The following IL1RAPL1 variants were observed in gnomAD, a reference collection of about 807,000 sequenced individuals.
The protein encoded by IL1RAPL1 is interleukin-1 receptor accessory protein-like 1.
A neutral mutation model predicts 48.4 loss-of-function variants in IL1RAPL1; 3 were observed. The observed-to-expected ratio is 0.06, with a 90% confidence interval of 0.03 to 0.16. The LOEUF (loss-of-function observed/expected upper bound fraction) is 0.16, where lower values mean the gene tolerates loss of function less well. Ranked by LOEUF, IL1RAPL1 falls within the 10% of genes least tolerant of loss-of-function variation. The pLI is 1.00. For missense variants in IL1RAPL1, 349 were observed against 530.6 expected (o/e 0.66, Z 3.36); for synonymous variants, 185 against 187.7 (o/e 0.99, Z 0.12).
chrX:29,517,233 G>C (rs1164192365), intron 5 of IL1RAPL1, among the ~76,000 whole-genome samples: 2 of 109,893 alleles, frequency 1.8e-5, no homozygotes, highest in Non-Finnish European at 3.8e-5. Flanking sequence ...TCTTTATCTT[G>C]AATAGTAGCT....
intron 3 of IL1RAPL1, among the ~76,000 whole-genome samples, chrX:29,355,265 A>G (rs921204451): frequency 7.2e-5 from 8 of 111,723 alleles, no homozygotes; most frequent in Non-Finnish European, 1.9e-5. Flanking sequence ...CTGAAGAGGC[A>G]TATTTTGGGG....
intron 6 of IL1RAPL1, among the ~76,000 whole-genome samples, chrX:29,908,207 G>T (rs1301330821): frequency 9.1e-6 from 1 of 109,852 alleles, no homozygotes; most frequent in East Asian, 2.9e-4. Context: ...AATAGGCTGA[G>T]GTAGATGCTC....
At chrX:29,482,234 C>T (rs775184466) in intron 5 of IL1RAPL1, among the ~76,000 whole-genome samples, 17 of 111,640 alleles carry the variant, frequency 1.5e-4, no homozygotes, top group Non-Finnish European at 2.8e-4. Context: ...GTGATTAGCA[C>T]AGAGGCAGCA....
At chrX:28,762,819 C>CAG (rs1936191276) in intron 1 of IL1RAPL1, among the ~76,000 whole-genome samples, 1 of 39,261 alleles carries the variant, frequency 2.5e-5, no homozygotes, top group East Asian at 7.8e-4. Context: ...CACACACACA[C>CAG]ACACAGAGAG....
At chrX:29,231,638 A>G (rs181174052) in intron 2 of IL1RAPL1, among the ~76,000 whole-genome samples, 296 of 111,778 alleles carry the variant, frequency 2.6e-3, no homozygotes, top group African/African-American at 9.4e-3. Context: ...AACTTTGTGC[A>G]TAAAGTTGGT....
chrX:29,561,191 G>A (rs772605799), intron 5 of IL1RAPL1, among the ~76,000 whole-genome samples: 9 of 112,236 alleles, frequency 8.0e-5, no homozygotes, highest in Admixed American at 6.6e-4. Context: ...TTTTCCTAGG[G>A]CATTGCCCTG....
chrX:28,643,101 C>T (rs956517004), intron 1 of IL1RAPL1, among the ~76,000 whole-genome samples: 10 of 111,207 alleles, frequency 9.0e-5, no homozygotes, highest in African/African-American at 3.3e-4. Context: ...GTTGGCCAGG[C>T]TGGTCTCAAA....
At chrX:29,068,239 C>T (rs1485041138) in intron 2 of IL1RAPL1, among the ~76,000 whole-genome samples, 1 of 112,060 alleles carries the variant, frequency 8.9e-6, no homozygotes, top group East Asian at 2.8e-4. Context: ...TGTGTAGTAC[C>T]TGAAGTGAGA....
At chrX:28,657,970 A>G (rs1481541776) in intron 1 of IL1RAPL1, among the ~76,000 whole-genome samples, 1 of 112,228 alleles carries the variant, frequency 8.9e-6, no homozygotes, top group Non-Finnish European at 1.9e-5. Flanking sequence ...ACTCCTTTAT[A>G]TTAGGCGGTA....
chrX:29,706,732 A>T (rs768762998), intron 6 of IL1RAPL1, among the ~76,000 whole-genome samples: 2 of 111,836 alleles, frequency 1.8e-5, no homozygotes, highest in Non-Finnish European at 3.8e-5. Context: ...TGCTGGGATA[A>T]TTGGAAGCCA....
At chrX:29,408,784 T>A (rs1272664181) in intron 5 of IL1RAPL1, among the ~76,000 whole-genome samples, 2 of 112,044 alleles carry the variant, frequency 1.8e-5, no homozygotes, top group African/African-American at 6.5e-5. Flanking sequence ...AAAGGTTAAG[T>A]GGCTTTATCA....
At chrX:29,654,237 C>CA (rs899917615) in intron 5 of IL1RAPL1, among the ~76,000 whole-genome samples, 15 of 109,696 alleles carry the variant, frequency 1.4e-4, no homozygotes, top group South Asian at 1.2e-3. Context: ...CACAGAATAT[C>CA]AAAAAAAACC....
intron 1 of IL1RAPL1, among the ~76,000 whole-genome samples, chrX:28,644,520 C>T (rs761458991): frequency 1.8e-5 from 2 of 111,359 alleles, no homozygotes; most frequent in East Asian, 2.8e-4. Flanking sequence ...TCCCACCTAG[C>T]GCCTTGCACT....
intron 6 of IL1RAPL1, among the ~76,000 whole-genome samples, chrX:29,901,274 G>A (rs1267469833): frequency 1.8e-5 from 2 of 111,968 alleles, no homozygotes; most frequent in Non-Finnish European, 3.8e-5. Context: ...GGGTAGCCAC[G>A]TGCTTACCTA....
intron 1 of IL1RAPL1, among the ~76,000 whole-genome samples, chrX:28,638,264 C>G (rs928377637): frequency 1.8e-5 from 2 of 111,334 alleles, no homozygotes; most frequent in Admixed American, 9.6e-5. Flanking sequence ...ATAGGCTAAA[C>G]AAGAAAATAC....
At chrX:29,482,874 T>A (rs753290754) in intron 5 of IL1RAPL1, among the ~76,000 whole-genome samples, 2 of 112,159 alleles carry the variant, frequency 1.8e-5, no homozygotes, top group South Asian at 7.4e-4. Context: ...TCGATTCTGA[T>A]AAGACTAAGA....
Position 28,984,777 on chromosome X carries a change from A to ATAAATATTT in IL1RAPL1, c.82+195353_82+195361dup, listed in dbSNP as rs775836020. On this transcript the variant is annotated intron_variant, in intron 2 of 10. Coordinates refer to ENST00000378993, the MANE Select transcript of IL1RAPL1 (RefSeq NM_014271.4). ...AAGAGACTTGCTATCCGTCACAAGA[A>ATAAATATTT]TAAATATTTGTAAAGGCTAAATTGG... Among the ~76,000 whole-genome samples the ATAAATATTT allele has an allele frequency of 7.7e-4, 86 of 112,113 alleles. 1 individual carries two copies. The highest frequency in any genetic ancestry group is 1.5e-3 in the Non-Finnish European group (79 of 53,242).
intron 2 of IL1RAPL1, among the ~76,000 whole-genome samples, chrX:28,926,531 A>G (rs191162558): frequency 1.8e-5 from 2 of 111,770 alleles, no homozygotes; most frequent in Admixed American, 9.5e-5. Context: ...TTAACTAAAA[A>G]TCACTTTTCC....
intron 5 of IL1RAPL1, among the ~76,000 whole-genome samples, chrX:29,540,115 A>C (rs1043625628): frequency 4.5e-5 from 5 of 112,043 alleles, no homozygotes; most frequent in Non-Finnish European, 9.4e-5. Flanking sequence ...AAAAATTAGT[A>C]GCATTTCTGT....
Sources: gnomAD v4.1 joint callset for allele counts (sites outside exome capture counted in the v4.1 genomes callset) on GRCh38, gnomAD v4.1.1 for gene constraint, MANE v1.5 for transcripts, NCBI Gene and HGNC (gene_info 2026-07-23, HGNC 2026-07-21) for gene names.